The following MBOAT2 variants were observed in gnomAD, a reference collection of about 807,000 sequenced individuals.
MBOAT2 encodes the protein membrane bound glycerophospholipid O-acyltransferase 2.
In MBOAT2, 28 loss-of-function variants were observed where a neutral mutation model predicts 63.4. The observed-to-expected ratio is 0.44, with a 90% CI of 0.33 to 0.61. The LOEUF is 0.61. Ranked by LOEUF, MBOAT2 falls within the 20% of genes least tolerant of loss-of-function variation. MBOAT2 has a pLI of 0.03. For synonymous variants in MBOAT2, 211 were observed against 215.6 expected, an observed-to-expected ratio of 0.98 and a Z score of 0.19; for missense variants, 470 against 605.8, an observed-to-expected ratio of 0.78 and a Z score of 2.35.
chr2:8,992,789 C>T (rs1672009362), intron 1 of MBOAT2, among the ~76,000 whole-genome samples: 1 of 152,212 alleles, frequency 6.6e-6, no homozygotes, highest in African/African-American at 2.4e-5. Context: ...GAGCTTGGGA[C>T]TTCCCAGAAG....
chr2:8,989,060 G>A (rs2103356692), intron 1 of MBOAT2, among the ~76,000 whole-genome samples: 1 of 152,298 alleles, frequency 6.6e-6, no homozygotes, highest in South Asian at 2.1e-4. Context: ...TGACACTGTT[G>A]ATCGTTTTCA....
intron 1 of MBOAT2, among the ~76,000 whole-genome samples, chr2:8,977,618 T>C (rs1670913471): frequency 6.6e-6 from 1 of 152,154 alleles, no homozygotes; most frequent in South Asian, 2.1e-4. Context: ...CCTATATGGC[T>C]CTGAAGTGAG....
At chr2:8,925,158 C>T (rs866244244) in intron 3 of MBOAT2, among the ~76,000 whole-genome samples, 1 of 152,052 alleles carries the variant, frequency 6.6e-6, no homozygotes, top group African/African-American at 2.4e-5. Context: ...CATATCACCC[C>T]TCTCACACCC....
intron 3 of MBOAT2, among the ~76,000 whole-genome samples, chr2:8,916,837 CTT>C (rs1666219219): frequency 6.6e-6 from 1 of 152,084 alleles, no homozygotes; most frequent in Admixed American, 6.5e-5. Flanking sequence ...TACTATGTAC[CTT>C]TTGTTTTATA....
intron 1 of MBOAT2, among the ~76,000 whole-genome samples, chr2:8,979,441 T>C (rs1403213411): frequency 6.6e-6 from 1 of 152,128 alleles, no homozygotes; most frequent in Non-Finnish European, 1.5e-5. Flanking sequence ...AATGATTTTC[T>C]AGGAAATCGT....
chr2:8,859,189 A>T (rs1661322952), intron 12 of MBOAT2, among the ~76,000 whole-genome samples: 1 of 152,226 alleles, frequency 6.6e-6, no homozygotes, highest in Admixed American at 6.5e-5. Flanking sequence ...GAATAAAAAC[A>T]AAAATGTACA....
intron 3 of MBOAT2, among the ~76,000 whole-genome samples, chr2:8,937,313 G>C (rs1345241594): frequency 6.6e-6 from 1 of 152,212 alleles, no homozygotes; most frequent in African/African-American, 2.4e-5. Context: ...CTGTGATGCG[G>C]AAGTCATGTC....
At chr2:8,870,567 A>G (rs1316896838) in intron 8 of MBOAT2, among the ~76,000 whole-genome samples, 2 of 152,200 alleles carry the variant, frequency 1.3e-5, no homozygotes, top group Admixed American at 6.5e-5. Flanking sequence ...ACAATTACAA[A>G]AAGGTGACAG....
intron 2 of MBOAT2, among the ~76,000 whole-genome samples, chr2:8,949,100 T>C (rs908981623): frequency 6.6e-6 from 1 of 152,200 alleles, no homozygotes; most frequent in Non-Finnish European, 1.5e-5. Flanking sequence ...TGTGCAGTAA[T>C]TTTTTCATGT....
chr2:8,968,159 C>A (rs533077424), intron 1 of MBOAT2, among the ~76,000 whole-genome samples: 32 of 151,774 alleles, frequency 2.1e-4, no homozygotes, highest in Non-Finnish European at 3.8e-4. Flanking sequence ...CTCACATGGC[C>A]AGGTATCCCT....
chr2:8,884,769 G>A (rs1046548622), intron 5 of MBOAT2, among the ~76,000 whole-genome samples: 2 of 152,226 alleles, frequency 1.3e-5, no homozygotes, highest in African/African-American at 4.8e-5. Context: ...TAGACACAGA[G>A]CTTAAAGGAT....
chr2:8,975,187 C>T (rs892028850), intron 1 of MBOAT2, among the ~76,000 whole-genome samples: 1 of 152,188 alleles, frequency 6.6e-6, no homozygotes, highest in Non-Finnish European at 1.5e-5. Flanking sequence ...ACCAATGCCA[C>T]CATCTTACCA....
intron 1 of MBOAT2, among the ~76,000 whole-genome samples, chr2:8,963,789 T>C (rs1428762886): frequency 6.6e-6 from 1 of 150,466 alleles, no homozygotes; most frequent in African/African-American, 2.5e-5. Context: ...ATTATGAGCC[T>C]ACTATGCTTT....
chr2:8,858,532 A>T lies in MBOAT2; in HGVS notation c.*147T>A. On this transcript the variant is annotated 3_prime_UTR_variant, in exon 13 of 13. Coordinates refer to ENST00000305997, the MANE Select transcript of MBOAT2 (RefSeq NM_138799.4). ...GAGGGCTTGTTTCACTCCATTTCCA[A>T]TCTGGTGTACAGGAAATTCCTTATC... is the stretch of plus-strand genomic sequence containing the variant. 1.7e-6 allele frequency: 1 copy of T among 601,908 alleles called. No homozygotes were observed. The highest frequency in any genetic ancestry group is 2.4e-5 in the South Asian group (1 of 42,092). 37.3% of individuals were successfully genotyped at this position (601,908 alleles called of 1,614,324 possible). A position where few individuals can be genotyped will look rare whatever the true frequency, so the allele number is the denominator to read the frequency against.
chr2:8,993,437 C>A (rs1322359046), intron 1 of MBOAT2, among the ~76,000 whole-genome samples: 2 of 152,200 alleles, frequency 1.3e-5, no homozygotes, highest in African/African-American at 4.8e-5. Flanking sequence ...TGCAGAGTGA[C>A]CAGAAGCTGA....
intron 3 of MBOAT2, among the ~76,000 whole-genome samples, chr2:8,915,602 G>A (rs1666116025): frequency 6.6e-6 from 1 of 152,046 alleles, no homozygotes; most frequent in Non-Finnish European, 1.5e-5. Context: ...TTGCTATCTT[G>A]TCTTTTAAAT....
At chr2:8,918,106 G>A (rs1666317607) in intron 3 of MBOAT2, among the ~76,000 whole-genome samples, 1 of 152,202 alleles carries the variant, frequency 6.6e-6, no homozygotes, top group Non-Finnish European at 1.5e-5. Context: ...AACTTTTAGG[G>A]ACAAGTGAAA....
intron 6 of MBOAT2, among the ~76,000 whole-genome samples, chr2:8,879,075 CAAA>C (rs58971939): frequency 1.2e-4 from 7 of 58,942 alleles, no homozygotes; most frequent in Admixed American, 1.7e-4. Context: ...GACTCCGTCT[CAAA>C]AAAAAAAAAA....
intron 9 of MBOAT2, among the ~76,000 whole-genome samples, chr2:8,865,047 T>G (rs1040576363): frequency 1.3e-5 from 2 of 152,164 alleles, no homozygotes; most frequent in African/African-American, 4.8e-5. Context: ...GTGCGCTGAG[T>G]GCAGAGTATC....
Sources: gnomAD v4.1 joint callset for allele counts (sites outside exome capture counted in the v4.1 genomes callset) on GRCh38, gnomAD v4.1.1 for gene constraint, MANE v1.5 for transcripts, NCBI Gene and HGNC (gene_info 2026-07-23, HGNC 2026-07-21) for gene names.